The following SCFD2 variants were observed in gnomAD, a reference collection of about 807,000 sequenced individuals.
SCFD2 encodes the protein sec1 family domain containing 2.
SCFD2 carries 54 observed loss-of-function variants against 58.9 expected under a neutral mutation model. The ratio of observed to expected loss-of-function variants is 0.92; its 90% CI spans 0.74 to 1.15. The LOEUF is 1.15. Among genes scored for constraint, SCFD2 ranks in the 50% most tolerant of loss-of-function variants. The pLI is 0.00. For missense variants in SCFD2, 805 were observed against 836.6 expected, an observed-to-expected ratio of 0.96 and a Z score of 0.47; for synonymous variants, 321 against 335.9, an observed-to-expected ratio of 0.96 and a Z score of 0.49.
chr4:53,143,043 C>T (rs892728432), intron 5 of SCFD2, among the ~76,000 whole-genome samples: 1 of 152,038 alleles, frequency 6.6e-6, no homozygotes, highest in African/African-American at 2.4e-5. Flanking sequence ...TCTGAGTATA[C>T]AAATTTTCCT....
intron 7 of SCFD2, among the ~76,000 whole-genome samples, chr4:52,900,254 C>T (rs1433713462): frequency 1.3e-5 from 2 of 152,164 alleles, no homozygotes; most frequent in South Asian, 4.1e-4. Context: ...GGTTTTTCTG[C>T]TCTGTTTTTT....
chr4:52,909,586 G>A (rs1382908887), intron 6 of SCFD2, among the ~76,000 whole-genome samples: 1 of 152,184 alleles, frequency 6.6e-6, no homozygotes, highest in Non-Finnish European at 1.5e-5. Flanking sequence ...GGAGAAAGGT[G>A]AGAGGAAGAC....
At chr4:53,217,757 G>A (rs193087201) in intron 4 of SCFD2, among the ~76,000 whole-genome samples, 99 of 152,218 alleles carry the variant, frequency 6.5e-4, no homozygotes, top group African/African-American at 2.3e-3. Context: ...TTACAATTTG[G>A]CATGTTTTTG....
At chr4:53,285,150 A>G (rs1731627157) in intron 3 of SCFD2, among the ~76,000 whole-genome samples, 1 of 152,246 alleles carries the variant, frequency 6.6e-6, no homozygotes, top group Non-Finnish European at 1.5e-5. Flanking sequence ...GCTCTCTCCG[A>G]AGTTATACAA....
chr4:53,134,288 TAAC>T (rs1438088146), intron 5 of SCFD2, among the ~76,000 whole-genome samples: 1 of 152,148 alleles, frequency 6.6e-6, no homozygotes, highest in African/African-American at 2.4e-5. Context: ...TGCCTATGGT[TAAC>T]AATACCGTAT....
intron 2 of SCFD2, among the ~76,000 whole-genome samples, chr4:53,327,979 A>G (rs185966392): frequency 8.7e-4 from 132 of 152,090 alleles, no homozygotes; most frequent in Admixed American, 2.4e-3. Context: ...AAATACAAAA[A>G]AAAGAAACAG....
intron 5 of SCFD2, among the ~76,000 whole-genome samples, chr4:53,083,005 ATATCC>A: frequency 6.6e-6 from 1 of 151,598 alleles, no homozygotes; most frequent in East Asian, 1.9e-4. Context: ...TTCTTAATAT[ATATCC>A]TATTGGTTCT....
chr4:53,337,019 C>T (rs1293116206), intron 2 of SCFD2, among the ~76,000 whole-genome samples: 3 of 123,846 alleles, frequency 2.4e-5, no homozygotes, highest in Non-Finnish European at 5.2e-5. Flanking sequence ...AAAAGAAGGA[C>T]TAAAATTTAA....
At chr4:52,876,755 C>CG (rs1392453654) in intron 8 of SCFD2, among the ~76,000 whole-genome samples, 3 of 78,246 alleles carry the variant, frequency 3.8e-5, no homozygotes, top group Non-Finnish European at 7.0e-5. Context: ...GTCTCTGTCT[C>CG]GAAAAAAAAA....
At chr4:53,271,238 A>G (rs572323892) in intron 4 of SCFD2, among the ~76,000 whole-genome samples, 13 of 152,116 alleles carry the variant, frequency 8.5e-5, no homozygotes, top group African/African-American at 2.9e-4. Flanking sequence ...AATATATAAC[A>G]GGAGACATAT....
At chr4:53,209,000 A>G (rs1297194870) in intron 4 of SCFD2, among the ~76,000 whole-genome samples, 1 of 152,114 alleles carries the variant, frequency 6.6e-6, no homozygotes, top group Admixed American at 6.5e-5. Flanking sequence ...GCACAGACTT[A>G]GGGTAGAGGA....
intron 4 of SCFD2, among the ~76,000 whole-genome samples, chr4:53,217,467 C>G (rs1284230979): frequency 6.6e-6 from 1 of 152,052 alleles, no homozygotes; most frequent in Non-Finnish European, 1.5e-5. Flanking sequence ...ATTGCAACCC[C>G]TGCCTTTTTT....
intron 5 of SCFD2, among the ~76,000 whole-genome samples, chr4:53,025,095 GA>G (rs35637760): frequency 2.0e-5 from 3 of 151,842 alleles, no homozygotes; most frequent in Non-Finnish European, 1.5e-5. Flanking sequence ...CTATAGTTAC[GA>G]AAAAAAGGAA....
At chr4:53,133,406 T>A (rs1195257797) in intron 5 of SCFD2, among the ~76,000 whole-genome samples, 1 of 151,818 alleles carries the variant, frequency 6.6e-6, no homozygotes, top group Non-Finnish European at 1.5e-5. Flanking sequence ...TCTACAAGGC[T>A]GGAGAAAATT....
chr4:52,942,317 G>A lies in SCFD2; in HGVS notation c.1562-21447C>T, dbSNP rs370430050. 1.2e-4 allele frequency among the ~76,000 whole-genome samples: 18 copies of A among 152,250 alleles called. 1 individual carries two copies. The South Asian group carries it at 2.1e-3, about 18-fold the overall frequency. On this transcript the variant is annotated intron_variant, in intron 5 of 8. Transcript: ENST00000401642. Reference sequence around the variant, plus strand: ...GGTTGTGGGACATAATGGAGAAGCTGGAAAGTGTGTGCTAGTTTGAAAGAA... The same window carrying A: ...GGTTGTGGGACATAATGGAGAAGCTAGAAAGTGTGTGCTAGTTTGAAAGAA...
At chr4:53,121,673 C>T (rs999724111) in intron 5 of SCFD2, among the ~76,000 whole-genome samples, 5 of 152,138 alleles carry the variant, frequency 3.3e-5, no homozygotes, top group African/African-American at 9.7e-5. Flanking sequence ...ACGTAACAGA[C>T]CTGGTCGCAA....
chr4:53,036,485 C>T (rs1264976253), intron 5 of SCFD2, among the ~76,000 whole-genome samples: 38 of 151,380 alleles, frequency 2.5e-4, no homozygotes, highest in Admixed American at 2.4e-3. Flanking sequence ...AAATGTGGCA[C>T]AAATACACCC....
intron 4 of SCFD2, among the ~76,000 whole-genome samples, chr4:53,207,475 A>AACTCAATATTAGAAACTGTTACTTAGT (rs150341843): frequency 1.6e-5 from 1 of 62,206 alleles, no homozygotes; most frequent in African/African-American, 6.3e-5. Flanking sequence ...GTAGTTTGAA[A>AACTCAATATTAGAAACTGTTACTTAGT]TATATTATAT....
intron 4 of SCFD2, among the ~76,000 whole-genome samples, chr4:53,264,507 C>T (rs770303314): frequency 1.3e-5 from 2 of 152,134 alleles, no homozygotes; most frequent in Non-Finnish European, 2.9e-5. Context: ...AATAGCAAGG[C>T]CCACAGAGAA....
Sources: gnomAD v4.1 joint callset for allele counts (sites outside exome capture counted in the v4.1 genomes callset) on GRCh38, gnomAD v4.1.1 for gene constraint, MANE v1.5 for transcripts, NCBI Gene and HGNC (gene_info 2026-07-23, HGNC 2026-07-21) for gene names.